The following LPIN2 variants were observed in gnomAD, a reference collection of about 807,000 sequenced individuals.
LPIN2 encodes the protein lipin 2.
In LPIN2, 55 loss-of-function variants were observed where a neutral mutation model predicts 111.4. The observed-to-expected ratio is 0.49, with a 90% CI of 0.40 to 0.62. The LOEUF is 0.62. Among genes scored for constraint, LPIN2 ranks in the 20% least tolerant of loss-of-function variants. LPIN2 has a pLI of 0.00. For synonymous variants in LPIN2, 425 were observed against 414.0 expected (o/e 1.03, Z -0.32); for missense variants, 992 against 1,112.1 (o/e 0.89, Z 1.54).
At chr18:2,936,474 TCTCA>T (rs1295268636) in intron 7 of LPIN2, among the ~76,000 whole-genome samples, 2 of 152,240 alleles carry the variant, frequency 1.3e-5, no homozygotes, top group Admixed American at 1.3e-4. Context: ...TGAGACAGGG[TCTCA>T]CTCTGTCACA....
At chr18:2,991,061 G>T in intron 1 of LPIN2, 1 of 562,886 alleles carries the variant, frequency 1.8e-6, no homozygotes, top group Non-Finnish European at 3.5e-6. Flanking sequence ...ACTTGGCCCA[G>T]AATGACTCGA....
intron 16 of LPIN2, among the ~76,000 whole-genome samples, chr18:2,923,497 T>C (rs1444717784): frequency 8.6e-5 from 13 of 150,762 alleles, no homozygotes; most frequent in Non-Finnish European, 1.5e-4. Context: ...AGCTATCTTA[T>C]TAAATTCTAG....
intron 16 of LPIN2, 24 bp from the exon 17 acceptor site, chr18:2,922,223 G>A: frequency 6.2e-7 from 1 of 1,611,500 alleles, no homozygotes; most frequent in East Asian, 2.2e-5. Context: ...CACCCTGTTA[G>A]CCCACATGTT....
intron 1 of LPIN2, among the ~76,000 whole-genome samples, chr18:2,994,273 G>A (rs912770325): frequency 6.6e-6 from 1 of 152,178 alleles, no homozygotes; most frequent in African/African-American, 2.4e-5. Flanking sequence ...AGACCTCTAG[G>A]AAAGTTTTTT....
Position 2,922,099 on chromosome 18 carries a change from G to A in LPIN2, c.2275C>T (p.Pro759Ser). 1.2e-6 allele frequency: 2 copies of A among 1,614,044 alleles called. No individual in the cohort carries two copies. Among genetic ancestry groups the A allele is most frequent in the Non-Finnish European group, 1.7e-6 (2 of 1,180,012 alleles). Residue 759 changes from proline (P) to serine (S), a missense_variant, in exon 17 of 20, where the codon CCC (proline) becomes TCC (serine). Transcript: ENST00000677752. ...GGGGACAGCATCAGGGGGCCCCGGG[G>A]CAAGATTGTGCCCTTGTCATTGACC... Reference protein sequence around the residue: ...HWVNDKGTILPRGPLMLSPSS... With the variant: ...HWVNDKGTILSRGPLMLSPSS...
chr18:2,920,316 C>A lies in LPIN2; in HGVS notation c.2668G>T (p.Val890Leu), dbSNP rs2077034108. 6.2e-7 allele frequency: 1 copy of A among 1,614,058 alleles called. No homozygotes were observed. Among genetic ancestry groups the A allele is most frequent in the Admixed American group, 1.7e-5 (1 of 60,010 alleles). Residue 890 changes from valine to leucine, a missense_variant, in exon 20 of 20, where the codon GTG (valine) becomes TTG (leucine). Coordinates refer to ENST00000677752, the MANE Select transcript of LPIN2 (RefSeq NM_001375808.2). ...FCYWRDPIPEVDLDDLS is the reference protein window; with the variant it reads ...FCYWRDPIPELDLDDLS The stretch of plus-strand genomic sequence containing the variant: ...CCTCAAGACAGGTCATCCAGGTCCA[C>A]TTCAGGGATCGGGTCTCGCCAGTAG...
At position 2,937,697 on chromosome 18, in the gene LPIN2, T is replaced by A; in HGVS notation, c.1163A>T (p.Lys388Met). ...PAAKVDSPSK[K>M]KGVHKRSQHQ... ...CAAATTAAACAAACGATTACCTTTC[T>A]TCTTTGACGGCGAGTCTACTTTAGC... The change falls in exon 7 of 20, where the codon AAG (lysine) becomes ATG (methionine). Residue 388 changes from lysine (K) to methionine (M), a missense_variant. This residue lies in a region of LPIN2 where 709 missense variants were observed against 753.2 expected (regional missense o/e 0.94). Coordinates refer to ENST00000677752, the MANE Select transcript of LPIN2 (RefSeq NM_001375808.2). 6.2e-7 allele frequency: 1 copy of A among 1,613,952 alleles called. No homozygotes were observed. The highest frequency in any genetic ancestry group is 8.5e-7 in the Non-Finnish European group (1 of 1,179,896).
intron 13 of LPIN2, 134 bp downstream of exon 13, chr18:2,926,589 C>T: frequency 2.7e-6 from 2 of 744,408 alleles, no homozygotes; most frequent in Non-Finnish European, 4.6e-6. Context: ...CTGAGTGGCA[C>T]AAATATATCA....
At chr18:2,943,448 G>A (rs1389415194) in intron 4 of LPIN2, among the ~76,000 whole-genome samples, 1 of 150,642 alleles carries the variant, frequency 6.6e-6, no homozygotes, top group Non-Finnish European at 1.5e-5. Flanking sequence ...GTGTGTGTGT[G>A]TGTGTGTGTG....
intron 1 of LPIN2, among the ~76,000 whole-genome samples, chr18:3,000,753 C>T (rs985639082): frequency 2.6e-5 from 4 of 152,068 alleles, no homozygotes; most frequent in African/African-American, 7.2e-5. Flanking sequence ...GTCTAAGTAA[C>T]GAAACAAGGC....
At chr18:3,000,964 G>A (rs2078426607) in intron 1 of LPIN2, among the ~76,000 whole-genome samples, 1 of 127,808 alleles carries the variant, frequency 7.8e-6, no homozygotes, top group Non-Finnish European at 1.6e-5. Context: ...AGGAAAATGG[G>A]GAAAAAGAGG....
intron 8 of LPIN2, among the ~76,000 whole-genome samples, chr18:2,932,834 G>C: frequency 6.6e-6 from 1 of 152,310 alleles, no homozygotes; most frequent in South Asian, 2.1e-4. Flanking sequence ...AAGGTGAAAG[G>C]AGCCTGTGTT....
chr18:2,945,992 T>C (rs568066638), intron 4 of LPIN2: 294 of 1,391,110 alleles, frequency 2.1e-4, no homozygotes, highest in African/African-American at 4.4e-4. Context: ...TCATGGAAAA[T>C]AGGTACTCCA....
chr18:3,001,933 C>CT (rs769493954), intron 1 of LPIN2, among the ~76,000 whole-genome samples: 2 of 152,068 alleles, frequency 1.3e-5, no homozygotes, highest in African/African-American at 4.8e-5. Context: ...CATTGTAAGG[C>CT]TTTTTTTGTT....
In LPIN2 at chr18:2,920,266, G is replaced by A. The variant is rs1357955573; in HGVS notation, c.*27C>T. 5.0e-6 allele frequency: 8 copies of A among 1,613,756 alleles called. No homozygotes were observed. The African/African-American group carries it at 9.3e-5, about 19-fold the overall frequency. Reference sequence around the variant, plus strand: ...CCCTTGCTGTGGGGAGGGGGACCAAGCCCTGCCCACCCACTGAGGTGCCGC... The same window carrying A: ...CCCTTGCTGTGGGGAGGGGGACCAAACCCTGCCCACCCACTGAGGTGCCGC... On this transcript the variant is annotated 3_prime_UTR_variant, in exon 20 of 20. Coordinates refer to ENST00000677752, the MANE Select transcript of LPIN2 (RefSeq NM_001375808.2).
chr18:2,997,929 A>C (rs2078370452), intron 1 of LPIN2, among the ~76,000 whole-genome samples: 1 of 152,244 alleles, frequency 6.6e-6, no homozygotes, highest in Non-Finnish European at 1.5e-5. Flanking sequence ...GAAGTGCCTG[A>C]AGTGTCTCCT....
At position 2,925,464 on chromosome 18, in the gene LPIN2, C is replaced by A; in HGVS notation, c.1794-96G>T. ...TCAAGAAAATAAAGATATCCTAAATCTTTTCTAGGAATGGGTAGAGTTATC... is the reference window on the plus strand; with the variant it reads ...TCAAGAAAATAAAGATATCCTAAATATTTTCTAGGAATGGGTAGAGTTATC... On this transcript the variant is annotated intron_variant, in intron 13 of 19. Transcript: ENST00000677752. This position sits in a 1 kb window ranked among gnomAD's most constrained non-coding sequence, Gnocchi z 4.1. The A allele has an allele frequency of 1.3e-6, 2 of 1,525,336 alleles. No individual in the cohort carries two copies. Among genetic ancestry groups the A allele is most frequent in the Middle Eastern group, 2.2e-4 (1 of 4,470 alleles). 94.5% of individuals were successfully genotyped at this position (1,525,336 alleles called of 1,614,324 possible).
At chr18:2,999,359 G>A (rs865847266) in intron 1 of LPIN2, among the ~76,000 whole-genome samples, 16 of 152,282 alleles carry the variant, frequency 1.1e-4, no homozygotes, top group Middle Eastern at 3.4e-3. Flanking sequence ...CACTCTGGGA[G>A]GCCAAAGCGG....
chr18:2,958,889 G>A (rs2077663949), intron 2 of LPIN2, among the ~76,000 whole-genome samples: 1 of 151,824 alleles, frequency 6.6e-6, no homozygotes, highest in Admixed American at 6.6e-5. Flanking sequence ...CATTTTGAAA[G>A]GCCAGACACT....
Sources: gnomAD v4.1 joint callset for allele counts (sites outside exome capture counted in the v4.1 genomes callset) on GRCh38, gnomAD v4.1.1 for gene constraint, gnomAD v4.1.1 regional missense constraint, Gnocchi (gnomAD v3.1) non-coding constraint, MANE v1.5 for transcripts, NCBI Gene and HGNC (gene_info 2026-07-23, HGNC 2026-07-21) for gene names.